The following TENM4 variants were observed in gnomAD, a reference collection of about 807,000 sequenced individuals.
TENM4 encodes teneurin transmembrane protein 4, also known as teneurin-4.
A neutral mutation model predicts 243.3 loss-of-function variants in TENM4; 82 were observed. The ratio of observed to expected loss-of-function variants is 0.34; its 90% CI spans 0.28 to 0.40. TENM4 has a LOEUF of 0.40. TENM4 is among the 10% of genes least tolerant of loss of function. The pLI is 1.00. For synonymous variants in TENM4, 1,412 were observed against 1,456.3 expected (o/e 0.97, Z 0.69); for missense variants, 3,138 against 3,673.3 (o/e 0.85, Z 3.77).
At chr11:79,204,836 C>A (rs1047862268) in intron 3 of TENM4, among the ~76,000 whole-genome samples, 2 of 152,110 alleles carry the variant, frequency 1.3e-5, no homozygotes, top group African/African-American at 4.8e-5. Flanking sequence ...AACAAACAAC[C>A]AAGTCCAGCA....
chr11:79,309,356 GGTCC>G (rs1856681167), intron 1 of TENM4, among the ~76,000 whole-genome samples: 1 of 152,074 alleles, frequency 6.6e-6, no homozygotes, highest in Non-Finnish European at 1.5e-5. Context: ...AGGCCAAGAG[GGTCC>G]TCATCCCATC....
At chr11:79,045,710 A>T (rs563652383) in intron 6 of TENM4, among the ~76,000 whole-genome samples, 26 of 139,872 alleles carry the variant, frequency 1.9e-4, no homozygotes, top group Non-Finnish European at 3.5e-4. Flanking sequence ...AACAACCACT[A>T]ACTGGATGAC....
intron 2 of TENM4, among the ~76,000 whole-genome samples, chr11:79,275,448 G>A (rs1263208266): frequency 6.6e-6 from 1 of 152,234 alleles, no homozygotes; most frequent in Non-Finnish European, 1.5e-5. Flanking sequence ...AATGCGCTTT[G>A]CACTCTGCAG....
At chr11:79,255,392 A>G (rs1350870981) in intron 2 of TENM4, among the ~76,000 whole-genome samples, 2 of 152,226 alleles carry the variant, frequency 1.3e-5, no homozygotes, top group Non-Finnish European at 2.9e-5. Flanking sequence ...GCAAGCCTGC[A>G]GCCAGGTATC....
chr11:78,676,430 G>A, intron 29 of TENM4, 43 bp from the exon 30 acceptor site: 1 of 1,511,950 alleles, frequency 6.6e-7, no homozygotes, highest in Non-Finnish European at 9.0e-7. Flanking sequence ...AGGAACGAAG[G>A]TGGAGGGAGG....
At chr11:79,115,807 C>T (rs1254088741) in intron 4 of TENM4, among the ~76,000 whole-genome samples, 1 of 152,214 alleles carries the variant, frequency 6.6e-6, no homozygotes, top group African/African-American at 2.4e-5. Flanking sequence ...AAATTCTGCT[C>T]TTCCTATCAT....
chr11:78,756,670 C>T (rs1215679650), intron 19 of TENM4, 135 bp downstream of exon 19: 1 of 844,176 alleles, frequency 1.2e-6, no homozygotes, highest in Non-Finnish European at 1.8e-6. Context: ...TCTGCCTCCC[C>T]CGACATTCCA....
rs188502052 is a variant in TENM4, at chr11:78,800,469, G to A, written c.2179+4823C>T. Among the ~76,000 whole-genome samples the A allele has an allele frequency of 6.9e-3, 1,046 of 152,282 alleles. 3 individuals are homozygous for A. The highest frequency in any genetic ancestry group is 0.011 in the Non-Finnish European group (735 of 68,024). ...GTTAGCCCAGCACACTGTGTGGGGAGTGGGAGGGAAGGGGTTTATGAGGAG... is the reference window on the plus strand; with the variant it reads ...GTTAGCCCAGCACACTGTGTGGGGAATGGGAGGGAAGGGGTTTATGAGGAG... On this transcript the variant is annotated intron_variant, in intron 15 of 33. Transcript: ENST00000278550.
At chr11:78,676,989 C>T (rs1858494281) in intron 29 of TENM4, among the ~76,000 whole-genome samples, 2 of 152,124 alleles carry the variant, frequency 1.3e-5, no homozygotes, top group African/African-American at 2.4e-5. Context: ...CAGGAGGGAA[C>T]GTGGAGCAGC....
chr11:79,393,112 C>T (rs747876040), intron 1 of TENM4, among the ~76,000 whole-genome samples: 4 of 152,096 alleles, frequency 2.6e-5, no homozygotes, highest in Admixed American at 2.0e-4. Flanking sequence ...TTTTCTGTCA[C>T]GGTTTTCCCT....
chr11:79,301,029 C>G (rs1474863412), intron 1 of TENM4, among the ~76,000 whole-genome samples: 5 of 152,296 alleles, frequency 3.3e-5, no homozygotes, highest in Non-Finnish European at 5.9e-5. Flanking sequence ...TTCCCTCCCT[C>G]TCCATCTCCA....
At chr11:79,321,508 G>C (rs1484086850) in intron 1 of TENM4, among the ~76,000 whole-genome samples, 1 of 152,124 alleles carries the variant, frequency 6.6e-6, no homozygotes, top group Non-Finnish European at 1.5e-5. Flanking sequence ...ACAGGAAAGG[G>C]GGAGGGGGCT....
intron 6 of TENM4, among the ~76,000 whole-genome samples, chr11:79,000,258 GC>G (rs1463880807): frequency 2.0e-5 from 3 of 152,246 alleles, no homozygotes; most frequent in African/African-American, 7.2e-5. Flanking sequence ...AGTCTTTTAA[GC>G]TGAAAGGGAA....
chr11:79,059,987 C>T (rs112243462), intron 6 of TENM4, among the ~76,000 whole-genome samples: 34 of 152,330 alleles, frequency 2.2e-4, no homozygotes, highest in East Asian at 2.1e-3. Flanking sequence ...CCTCCCTCAC[C>T]GGTCATCTAG....
At chr11:79,155,055 T>C (rs930988614) in intron 3 of TENM4, among the ~76,000 whole-genome samples, 3 of 152,154 alleles carry the variant, frequency 2.0e-5, no homozygotes, top group Non-Finnish European at 2.9e-5. Flanking sequence ...TCCTTTCCCC[T>C]GCACTCAGGG....
At chr11:78,878,273 C>A (rs996653989) in intron 9 of TENM4, among the ~76,000 whole-genome samples, 1 of 152,134 alleles carries the variant, frequency 6.6e-6, no homozygotes, top group South Asian at 2.1e-4. Flanking sequence ...CACGCCAGAC[C>A]CGGCACAAGA....
chr11:79,387,641 A>T (rs78557673), intron 1 of TENM4, among the ~76,000 whole-genome samples: 74 of 23,878 alleles, frequency 3.1e-3, no homozygotes, highest in African/African-American at 8.1e-3. Flanking sequence ...TCCCTTCCCT[A>T]CCCTATTGAA....
chr11:78,778,813 G>C lies in TENM4; in HGVS notation c.2366-185C>G, dbSNP rs1467375353. Among the ~76,000 whole-genome samples, 4 of 152,182 alleles carry C rather than the reference G, an allele frequency of 2.6e-5. No homozygotes were observed. The East Asian group carries it at 5.8e-4, about 22-fold the overall frequency. ...CATGAGAGAGGAGAAGGGAGAGCAA[G>C]CATTCTCCAGGGATGGCCAAAAGGA... On this transcript the variant is annotated intron_variant, in intron 16 of 33. Transcript: ENST00000278550.
rs75319335 is a variant in TENM4 at position 78,890,482 on chromosome 11, G to A, written c.849-462C>T. Among the ~76,000 whole-genome samples, 53 of 152,288 alleles carry A rather than the reference G, an allele frequency of 3.5e-4. No homozygotes were observed. In the East Asian group the frequency reaches 8.7e-3, roughly 25 times the overall value. ...TTCTCCCTCCAATGCTTCTGTTGCCGGTGTATCTCAACTGAGGATTGGAAT... is the reference window on the plus strand; with the variant it reads ...TTCTCCCTCCAATGCTTCTGTTGCCAGTGTATCTCAACTGAGGATTGGAAT... On this transcript the variant is annotated intron_variant, in intron 8 of 33. Transcript: ENST00000278550.
Sources: gnomAD v4.1 joint callset for allele counts (sites outside exome capture counted in the v4.1 genomes callset) on GRCh38, gnomAD v4.1.1 for gene constraint, MANE v1.5 for transcripts, NCBI Gene and HGNC (gene_info 2026-07-23, HGNC 2026-07-21) for gene names.